Variants in SPTBN1 observed in about 807,000 individuals in gnomAD.
The protein encoded by SPTBN1 is spectrin beta, non-erythrocytic 1, also known as spectrin beta chain, non-erythrocytic 1.
SPTBN1 carries 32 observed loss-of-function variants against 266.4 expected under a neutral mutation model. The ratio of observed to expected loss-of-function variants is 0.12; its 90% CI spans 0.09 to 0.16. The LOEUF (loss-of-function observed/expected upper bound fraction) is 0.16, where lower values mean the gene tolerates loss of function less well. SPTBN1 is among the 10% of genes least tolerant of loss of function. The probability of loss-of-function intolerance (pLI) is 1.00; values close to 1 mark genes in which losing one functional copy is unlikely to be tolerated. For synonymous variants in SPTBN1, 1,336 were observed against 1,162.2 expected, an observed-to-expected ratio of 1.15 and a Z score of -3.04; for missense variants, 2,296 against 3,067.1, an observed-to-expected ratio of 0.75 and a Z score of 5.94.
At chr2:54,499,933 T>C (rs1397298148) in intron 1 of SPTBN1, among the ~76,000 whole-genome samples, 1 of 152,240 alleles carries the variant, frequency 6.6e-6, no homozygotes, top group African/African-American at 2.4e-5. Flanking sequence ...TACTTTCCAA[T>C]GGAGGATGTG....
chr2:54,600,821 G>GTTT, intron 3 of SPTBN1, among the ~76,000 whole-genome samples: 1 of 141,422 alleles, frequency 7.1e-6, no homozygotes, highest in South Asian at 2.2e-4. Context: ...TATTTTTGTG[G>GTTT]TTTTTTTTTT....
intron 8 of SPTBN1, 86 bp from the exon 9 acceptor site, chr2:54,622,214 G>T: frequency 4.6e-4 from 577 of 1,245,764 alleles, no homozygotes; most frequent in Middle Eastern, 1.1e-3. Context: ...CGGTCGTTTT[G>T]TGTGCATGCA....
In SPTBN1 at chr2:54,522,658, AAG is replaced by A. The variant is rs147689465; in HGVS notation, c.-47-3695_-47-3694del. On this transcript the variant is annotated intron_variant, in intron 1 of 35. Transcript: ENST00000356805. ...AAAGAAAGAAAGAAAGAGAGAGAGA[AAG>A]AGAGAGAGAGAGAGAGAGGAGAGAG... 3.0e-3 allele frequency among the ~76,000 whole-genome samples: 242 copies of A among 81,582 alleles called. 2 individuals are homozygous for A. The highest frequency in any genetic ancestry group is 4.9e-3 in the Admixed American group (35 of 7,092). 53.5% of individuals were successfully genotyped at this position (81,582 alleles called of 152,430 possible). A position where few individuals can be genotyped will look rare whatever the true frequency, so the allele number is the denominator to read the frequency against.
intron 1 of SPTBN1, among the ~76,000 whole-genome samples, chr2:54,464,432 T>C (rs1693523421): frequency 6.6e-6 from 1 of 152,202 alleles, no homozygotes; most frequent in Non-Finnish European, 1.5e-5. Flanking sequence ...AATTGTATAG[T>C]GTACTATAAT....
In SPTBN1 at chr2:54,558,507, C is replaced by T. The variant is rs934673084; in HGVS notation, c.148+31941C>T. On this transcript the variant is annotated intron_variant, in intron 2 of 35. Transcript: ENST00000356805. This position sits in a 1 kb window ranked among gnomAD's most constrained non-coding sequence, Gnocchi z 4.6. ...TGCGCCTCCTCTCTGCTTCTCCCTC[C>T]TCCTCAGTAATTTATTTCGAGCTTC... 2 of 1,208,592 alleles carry T rather than the reference C, an allele frequency of 1.7e-6. No individual in the cohort carries two copies. The highest frequency in any genetic ancestry group is 2.1e-6 in the Non-Finnish European group (2 of 969,424). 74.9% of individuals were successfully genotyped at this position (1,208,592 alleles called of 1,614,324 possible).
chr2:54,530,930 C>T (rs1671198316), intron 2 of SPTBN1, among the ~76,000 whole-genome samples: 1 of 152,074 alleles, frequency 6.6e-6, no homozygotes, highest in African/African-American at 2.4e-5. Flanking sequence ...CAGGATGATG[C>T]TGTGCACCCA....
At chr2:54,661,363 T>TG (rs2104224317) in intron 32 of SPTBN1, 1 of 985,868 alleles carries the variant, frequency 1.0e-6, no homozygotes, top group East Asian at 1.1e-4. Context: ...GATGTGTCAG[T>TG]GGAATCAGAA....
chr2:54,551,336 C>A (rs906343160), intron 2 of SPTBN1, among the ~76,000 whole-genome samples: 2 of 152,268 alleles, frequency 1.3e-5, no homozygotes, highest in African/African-American at 4.8e-5. Context: ...ACTCTACCTG[C>A]AACAGAGGAG....
chr2:54,563,633 T>A (rs1673475860), intron 2 of SPTBN1, among the ~76,000 whole-genome samples: 1 of 115,682 alleles, frequency 8.6e-6, no homozygotes. Flanking sequence ...AGACGGGGTC[T>A]CACCCTGTCG....
chr2:54,637,142 T>G (rs565699321), intron 17 of SPTBN1, among the ~76,000 whole-genome samples: 1 of 152,344 alleles, frequency 6.6e-6, no homozygotes, highest in Admixed American at 6.5e-5. Context: ...GTGTTTTAAC[T>G]TCTTTGAGCT....
chr2:54,594,047 G>T (rs1433323504), intron 2 of SPTBN1, among the ~76,000 whole-genome samples: 1 of 151,950 alleles, frequency 6.6e-6, no homozygotes, highest in African/African-American at 2.4e-5. Context: ...TGGTCAGGCT[G>T]GTCTTGAACT....
At chr2:54,581,203 A>G (rs10193692) in intron 2 of SPTBN1, among the ~76,000 whole-genome samples, 6 of 152,138 alleles carry the variant, frequency 3.9e-5, no homozygotes, top group East Asian at 3.9e-4. Flanking sequence ...TGGAATGGCT[A>G]TATTGAAAGC....
In SPTBN1 at chr2:54,631,041, G is replaced by C. The variant is rs755074990; in HGVS notation, c.2994G>C (p.Leu998=). ...LAGVMALQRK[L]TGMERDLVAI... ...GCGTCATGGCCCTGCAGCGCAAGCT[G>C]ACCGGCATGGAGCGGGACTTGGTGG... The change falls in exon 16 of 36, where the codon CTG becomes CTC. Residue 998 remains leucine (L), a synonymous_variant. Transcript: ENST00000356805. The C allele has an allele frequency of 6.2e-7, 1 of 1,613,804 alleles. No homozygotes were observed. Among genetic ancestry groups the C allele is most frequent in the African/African-American group, 1.3e-5 (1 of 74,958 alleles).
chr2:54,668,673 G>T lies in SPTBN1; in HGVS notation c.*104G>T. 1.1e-5 allele frequency: 11 copies of T among 959,304 alleles called. No individual in the cohort carries two copies. Among genetic ancestry groups the T allele is most frequent in the Admixed American group, 6.2e-5 (2 of 32,072 alleles). 59.4% of individuals were successfully genotyped at this position (959,304 alleles called of 1,614,324 possible). A position where few individuals can be genotyped will look rare whatever the true frequency, so the allele number is the denominator to read the frequency against. ...CTCTCTGTGCCTAATGTTCCTCAATGTGGTTGATTTTTTTTTTTTTTTAAT... is the reference window on the plus strand; with the variant it reads ...CTCTCTGTGCCTAATGTTCCTCAATTTGGTTGATTTTTTTTTTTTTTTAAT... On this transcript the variant is annotated 3_prime_UTR_variant, in exon 36 of 36. Transcript: ENST00000356805.
In SPTBN1 at chr2:54,656,015, T is replaced by C. The variant is rs772346368; in HGVS notation, c.6046+17T>C. The C allele has an allele frequency of 4.0e-5, 64 of 1,594,888 alleles. No individual in the cohort carries two copies. Among genetic ancestry groups the C allele is most frequent in the Admixed American group, 2.7e-4 (16 of 59,222 alleles). On this transcript the variant is annotated intron_variant, in intron 29 of 35. Transcript: ENST00000356805. ...TAAGACTGAGTAAGGATGTAGTTTA[T>C]CTTTCTGCTCTTTTGGGTATCAATG...
Position 54,649,866 on chromosome 2 carries a change from T to C in SPTBN1, c.5454T>C (p.Phe1818=). 6.2e-7 allele frequency: 1 copy of C among 1,614,216 alleles called. No homozygotes were observed. The highest frequency in any genetic ancestry group is 8.5e-7 in the Non-Finnish European group (1 of 1,180,046). Residue 1818 remains phenylalanine (F), a synonymous_variant, in exon 26 of 36, where the codon TTT becomes TTC. Transcript: ENST00000356805. The surrounding 1 kb of genome is among the most constrained non-coding windows in gnomAD (Gnocchi z 6.7). ...TTTACCACGATGCCAAGGAGATCTT[T>C]GGGCGTATACAGGACAAACACAAGA... ...HKFYHDAKEI[F]GRIQDKHKKL...
chr2:54,593,823 C>CT (rs374877354), intron 2 of SPTBN1, among the ~76,000 whole-genome samples: 11,168 of 64,154 alleles, frequency 0.17, 2,672 homozygotes, highest in East Asian at 0.24. Context: ...CATGGAAACA[C>CT]TTTTTTTTTT....
Position 54,664,596 on chromosome 2 carries a change from A to G in SPTBN1, c.6564A>G (p.Leu2188=). ...TCCCAGCCCAGAGTGCCGCCACCTT[A>G]CCAGCCAGAACCCAGGAGACACCTT... ...TALPAQSAAT[L]PARTQETPSA... is the part of the protein sequence containing the mutation. Residue 2188 remains leucine (L), a synonymous_variant, in exon 33 of 36, where the codon TTA becomes TTG. Transcript: ENST00000356805. The surrounding 1 kb of genome is among the most constrained non-coding windows in gnomAD (Gnocchi z 5.6). 1 of 1,614,144 alleles carries G rather than the reference A, an allele frequency of 6.2e-7. No homozygotes were observed. The highest frequency in any genetic ancestry group is 8.5e-7 in the Non-Finnish European group (1 of 1,180,038).
At chr2:54,494,796 G>C (rs1318846357) in intron 1 of SPTBN1, among the ~76,000 whole-genome samples, 1 of 151,964 alleles carries the variant, frequency 6.6e-6, no homozygotes, top group African/African-American at 2.4e-5. Flanking sequence ...AGGAGTGATG[G>C]GTATGCTCAT....
Sources: allele counts gnomAD v4.1 joint callset (sites outside exome capture counted in the v4.1 genomes callset), GRCh38; gene constraint gnomAD v4.1.1; non-coding constraint Gnocchi (gnomAD v3.1); transcripts MANE v1.5; gene names NCBI Gene and HGNC (gene_info 2026-07-23, HGNC 2026-07-21).